TENM2: variants seen among roughly 807,000 people sequenced by gnomAD.
The protein encoded by TENM2 is teneurin transmembrane protein 2, also known as teneurin-2.
Under a neutral mutation model 245.2 loss-of-function variants are expected in TENM2, and 52 were observed. That is an observed-to-expected ratio of 0.21 (90% CI 0.17 to 0.27). TENM2 has a LOEUF of 0.27. Ranked by LOEUF, TENM2 falls within the 10% of genes least tolerant of loss-of-function variation. The probability of loss-of-function intolerance (pLI) is 1.00; values close to 1 mark genes in which losing one functional copy is unlikely to be tolerated. For synonymous variants in TENM2, 1,363 were observed against 1,438.9 expected (o/e 0.95, Z 1.19); for missense variants, 3,046 against 3,666.8 (o/e 0.83, Z 4.37).
At chr5:167,398,752 C>A (rs1212805656) in intron 2 of TENM2, among the ~76,000 whole-genome samples, 1 of 152,050 alleles carries the variant, frequency 6.6e-6, no homozygotes. Flanking sequence ...GCACCCAGCC[C>A]CCTTTCCCTT....
intron 4 of TENM2, among the ~76,000 whole-genome samples, chr5:167,985,641 A>G (rs1783187352): frequency 6.6e-6 from 1 of 152,206 alleles, no homozygotes; most frequent in Non-Finnish European, 1.5e-5. Context: ...TGACCTTTGG[A>G]GTTGAGGCAG....
chr5:167,284,355 T>G (rs1455084877), upstream of TENM2, among the ~76,000 whole-genome samples: 3 of 152,150 alleles, frequency 2.0e-5, no homozygotes, highest in African/African-American at 7.2e-5. Flanking sequence ...TTTTTTCTTT[T>G]GGAGGGGGGG....
chr5:167,895,690 G>T lies in TENM2; in HGVS notation c.712+19495G>T, dbSNP rs570414345. 2.6e-5 allele frequency among the ~76,000 whole-genome samples: 4 copies of T among 152,302 alleles called. No homozygotes were observed. In the East Asian group the frequency reaches 7.7e-4, roughly 29 times the overall value. On this transcript the variant is annotated intron_variant, in intron 3 of 28. Coordinates refer to ENST00000518659, the Ensembl canonical transcript of TENM2. ...TGTCTGAGTTGGGATCCAAAAATTT[G>T]CATTTCTAGCAGGCTCCCAGGTGAT...
chr5:167,436,483 A>C (rs1385133807), intron 2 of TENM2, among the ~76,000 whole-genome samples: 1 of 152,220 alleles, frequency 6.6e-6, no homozygotes, highest in Non-Finnish European at 1.5e-5. Flanking sequence ...GAAAATTTGC[A>C]GCCTAATAAT....
chr5:167,274,766 G>A, the TENM2 span, among the ~76,000 whole-genome samples: 2 of 151,526 alleles, frequency 1.3e-5, no homozygotes, highest in Non-Finnish European at 2.9e-5. Context: ...TGATGAACAT[G>A]TTTTCATATG....
intron 12 of TENM2, chr5:168,128,709 T>G (rs1331978262): frequency 6.6e-6 from 1 of 152,292 alleles, no homozygotes; most frequent in Non-Finnish European, 1.5e-5. Flanking sequence ...TCTGGCCTGC[T>G]GCCTGTTTTT....
At position 168,244,407 on chromosome 5, in the gene TENM2, T is replaced by C. The variant is rs370718814; in HGVS notation, c.5521-13T>C. The C allele has an allele frequency of 4.6e-5, 70 of 1,509,292 alleles. No individual in the cohort carries two copies. The African/African-American group carries it at 7.7e-4, about 17-fold the overall frequency. The allele number at this position is 1,509,292 out of a possible 1,614,324, so 93.5% of individuals were successfully genotyped here. A position where few individuals can be genotyped will look rare whatever the true frequency, so the allele number is the denominator to read the frequency against. On this transcript the variant is annotated splice_polypyrimidine_tract_variant and intron_variant, in intron 25 of 28. Transcript: ENST00000518659. This position sits in a 1 kb window ranked among gnomAD's most constrained non-coding sequence, Gnocchi z 4.9. ...GTGATGTCTTTCAAACAAGGCCTGTTGTGTTTTCCTAGGTCCATGGAAGAA... is the reference window on the plus strand; with the variant it reads ...GTGATGTCTTTCAAACAAGGCCTGTCGTGTTTTCCTAGGTCCATGGAAGAA...
intron 7 of TENM2, 82 bp from the exon 10 acceptor site, chr5:168,090,492 A>C (rs755645896): frequency 1.5e-6 from 2 of 1,301,100 alleles, no homozygotes; most frequent in Non-Finnish European, 2.1e-6. Flanking sequence ...TCCATTAACA[A>C]ATGGGTTCGG....
intron 4 of TENM2, among the ~76,000 whole-genome samples, chr5:167,978,156 C>T (rs1353747610): frequency 6.6e-6 from 1 of 152,184 alleles, no homozygotes; most frequent in Non-Finnish European, 1.5e-5. Flanking sequence ...CCTGCAGAAT[C>T]AGGAGCCAAA....
chr5:167,093,894 C>G, the TENM2 span, among the ~76,000 whole-genome samples: 2 of 152,212 alleles, frequency 1.3e-5, no homozygotes, highest in African/African-American at 4.8e-5. Flanking sequence ...TATAGTATCT[C>G]TCATCAGTGG....
chr5:168,115,250 G>A (rs1365841790), intron 9 of TENM2, among the ~76,000 whole-genome samples: 1 of 151,346 alleles, frequency 6.6e-6, no homozygotes, highest in Non-Finnish European at 1.5e-5. Context: ...CCAAGATCAT[G>A]CCACTGCACT....
At chr5:167,688,023 C>G (rs1757189875) in intron 2 of TENM2, among the ~76,000 whole-genome samples, 1 of 152,162 alleles carries the variant, frequency 6.6e-6, no homozygotes, top group African/African-American at 2.4e-5. Context: ...CTTTGAAAGG[C>G]ACTTTACATT....
chr5:167,236,280 G>T, the TENM2 span, among the ~76,000 whole-genome samples: 4 of 152,150 alleles, frequency 2.6e-5, no homozygotes, highest in African/African-American at 7.2e-5. Flanking sequence ...GTCTCTGTGT[G>T]TGTATGTGCG....
At chr5:168,248,338 A>G in exon 27 of TENM2, 4 of 1,613,708 alleles carry the variant, frequency 2.5e-6, no homozygotes, top group Non-Finnish European at 3.4e-6. Context: ...CAATCCTCTC[A>G]GCAGTGAGCT....
intron 2 of TENM2, among the ~76,000 whole-genome samples, chr5:167,535,283 CA>C (rs1771777540): frequency 6.6e-6 from 1 of 151,814 alleles, no homozygotes; most frequent in East Asian, 1.9e-4. Context: ...TTCTGCGCCT[CA>C]AAGGGGTGAC....
At chr5:168,131,197 T>A in intron 12 of TENM2, among the ~76,000 whole-genome samples, 1 of 152,216 alleles carries the variant, frequency 6.6e-6, no homozygotes, top group East Asian at 1.9e-4. Flanking sequence ...CTGCTCCGAA[T>A]AATACAAACT....
chr5:167,217,627 G>C, the TENM2 span, among the ~76,000 whole-genome samples: 1 of 151,318 alleles, frequency 6.6e-6, no homozygotes, highest in Admixed American at 6.6e-5. Flanking sequence ...TGTTTGGAAG[G>C]GCAATGGAAG....
the TENM2 span, among the ~76,000 whole-genome samples, chr5:167,169,328 A>G: frequency 2.0e-5 from 3 of 152,176 alleles, no homozygotes; most frequent in African/African-American, 7.2e-5. Flanking sequence ...AAAGAAAAAC[A>G]TGCAAATAAA....
chr5:167,221,508 C>T, the TENM2 span, among the ~76,000 whole-genome samples: 1 of 152,148 alleles, frequency 6.6e-6, no homozygotes, highest in African/African-American at 2.4e-5. Context: ...TCCATTGACT[C>T]TTGACAGTTT....
Sources: allele counts gnomAD v4.1 joint callset (sites outside exome capture counted in the v4.1 genomes callset), GRCh38; gene constraint gnomAD v4.1.1; non-coding constraint Gnocchi (gnomAD v3.1); transcripts MANE v1.5; gene names NCBI Gene and HGNC (gene_info 2026-07-23, HGNC 2026-07-21).